PTPRD: variants seen among roughly 807,000 people sequenced by gnomAD.
The protein encoded by PTPRD is receptor-type tyrosine-protein phosphatase delta.
PTPRD carries 34 observed loss-of-function variants against 214.5 expected under a neutral mutation model. The observed-to-expected ratio is 0.16, with a 90% CI of 0.12 to 0.21. The LOEUF (loss-of-function observed/expected upper bound fraction) is 0.21. Ranked by LOEUF, PTPRD falls within the 10% of genes least tolerant of loss-of-function variation. The pLI, the probability that PTPRD is intolerant of heterozygous loss-of-function variation, is 1.00. For synonymous variants in PTPRD, 1,128 were observed against 845.7 expected, an observed-to-expected ratio of 1.33 and a Z score of -5.79; for missense variants, 2,545 against 2,398.7, an observed-to-expected ratio of 1.06 and a Z score of -1.27.
intron 5 of PTPRD, among the ~76,000 whole-genome samples, chr9:9,823,456 A>G (rs1026387043): frequency 6.6e-6 from 1 of 152,102 alleles, no homozygotes; most frequent in Admixed American, 6.6e-5. Context: ...ACTAGGCCCC[A>G]TCTCCAGCAT....
intron 7 of PTPRD, among the ~76,000 whole-genome samples, chr9:9,648,136 A>C (rs181939227): frequency 2.6e-4 from 39 of 152,266 alleles, no homozygotes; most frequent in African/African-American, 9.4e-4. Flanking sequence ...ATTTATTTTA[A>C]TGCATATTAC....
At position 9,241,845 on chromosome 9, in the gene PTPRD, C is replaced by T. The variant is rs187809927; in HGVS notation, c.-202-58482G>A. ...AATTGGAGCATTTAGCCCATTTACA[C>T]TGAAGGGTAATATTGTTATGTGTGA... On this transcript the variant is annotated intron_variant, in intron 9 of 45. Transcript: ENST00000381196. Among the ~76,000 whole-genome samples, 20 of 151,928 alleles carry T rather than the reference C, an allele frequency of 1.3e-4. No individual in the cohort carries two copies. In the East Asian group the frequency reaches 3.9e-3, roughly 30 times the overall value.
chr9:8,759,055 G>A (rs1049114002), intron 11 of PTPRD, among the ~76,000 whole-genome samples: 1 of 150,582 alleles, frequency 6.6e-6, no homozygotes, highest in African/African-American at 2.5e-5. Context: ...TAGAAAGAGA[G>A]CATCTCACTC....
chr9:8,390,149 C>T (rs2088945406), intron 36 of PTPRD, among the ~76,000 whole-genome samples: 1 of 152,142 alleles, frequency 6.6e-6, no homozygotes, highest in Admixed American at 6.6e-5. Context: ...TTGTCCTCTC[C>T]AGTTTGTTCT....
At chr9:8,321,518 TATATATATAA>T (rs1294266857) in intron 44 of PTPRD, among the ~76,000 whole-genome samples, 8 of 131,564 alleles carry the variant, frequency 6.1e-5, no homozygotes, top group South Asian at 2.4e-4. Flanking sequence ...TATATATATA[TATATATATAA>T]AAGGTATATG....
intron 14 of PTPRD, among the ~76,000 whole-genome samples, chr9:8,543,628 G>T (rs2079055915): frequency 1.3e-5 from 2 of 152,104 alleles, no homozygotes; most frequent in Admixed American, 1.3e-4. Context: ...TAGTTACATG[G>T]GCACATGTTG....
chr9:10,279,326 G>A (rs189084914), intron 3 of PTPRD, among the ~76,000 whole-genome samples: 200 of 152,102 alleles, frequency 1.3e-3, no homozygotes, highest in Non-Finnish European at 2.3e-3. Flanking sequence ...TTTTAATTAC[G>A]TTAGACATAA....
At chr9:10,364,005 T>TTTTTTG (rs1565557309) in intron 2 of PTPRD, among the ~76,000 whole-genome samples, 2 of 131,664 alleles carry the variant, frequency 1.5e-5, no homozygotes, top group Admixed American at 7.8e-5. Flanking sequence ...TTTTTTTTTT[T>TTTTTTG]TTTTTTTTTT....
chr9:8,766,226 G>A (rs1187336365), intron 11 of PTPRD, among the ~76,000 whole-genome samples: 1 of 151,370 alleles, frequency 6.6e-6, no homozygotes, highest in African/African-American at 2.4e-5. Flanking sequence ...CGAGGCCACT[G>A]TCTTTGTGGA....
chr9:10,101,627 T>C (rs1161083064), intron 3 of PTPRD, among the ~76,000 whole-genome samples: 1 of 151,702 alleles, frequency 6.6e-6, no homozygotes, highest in African/African-American at 2.4e-5. Flanking sequence ...GTCAGCTTTT[T>C]CCACAGATGC....
At chr9:9,270,814 A>G (rs546812284) in intron 9 of PTPRD, among the ~76,000 whole-genome samples, 1 of 151,478 alleles carries the variant, frequency 6.6e-6, no homozygotes, top group East Asian at 2.0e-4. Flanking sequence ...AGGTGGAGAA[A>G]AGTTAACAGG....
chr9:8,589,721 C>A (rs182159290), intron 14 of PTPRD, among the ~76,000 whole-genome samples: 3 of 152,118 alleles, frequency 2.0e-5, no homozygotes, highest in Admixed American at 6.5e-5. Flanking sequence ...TGCGTTGGCA[C>A]GTCTGCCACC....
intron 14 of PTPRD, among the ~76,000 whole-genome samples, chr9:8,597,814 T>G (rs908487991): frequency 2.0e-5 from 3 of 152,116 alleles, no homozygotes; most frequent in Admixed American, 6.6e-5. Flanking sequence ...CTCAGATTTG[T>G]TTTTTCACTC....
At chr9:9,280,436 C>T (rs899178865) in intron 9 of PTPRD, among the ~76,000 whole-genome samples, 9 of 151,044 alleles carry the variant, frequency 6.0e-5, no homozygotes, top group Non-Finnish European at 8.9e-5. Context: ...TGAAAGGTTG[C>T]AGAATATAAG....
At chr9:10,351,249 T>C (rs1413713877) in intron 2 of PTPRD, among the ~76,000 whole-genome samples, 1 of 152,166 alleles carries the variant, frequency 6.6e-6, no homozygotes, top group Non-Finnish European at 1.5e-5. Context: ...TCTAAATTAC[T>C]GTCGCCCTCC....
chr9:8,677,259 G>T (rs976031675), intron 12 of PTPRD, among the ~76,000 whole-genome samples: 3 of 152,064 alleles, frequency 2.0e-5, no homozygotes, highest in Non-Finnish European at 4.4e-5. Context: ...GCAAAGACAC[G>T]GAATCAACCT....
chr9:10,472,574 G>A (rs937175406), intron 2 of PTPRD, among the ~76,000 whole-genome samples: 2 of 152,060 alleles, frequency 1.3e-5, no homozygotes, highest in African/African-American at 4.8e-5. Context: ...ACAAGGCTGA[G>A]CAGGAGCTCT....
intron 9 of PTPRD, among the ~76,000 whole-genome samples, chr9:9,347,280 T>G (rs2049211019): frequency 6.6e-6 from 1 of 151,254 alleles, no homozygotes; most frequent in African/African-American, 2.4e-5. Flanking sequence ...AGTCTTATAC[T>G]TTCTATACTT....
chr9:10,560,418 G>A (rs1017191475), intron 2 of PTPRD, among the ~76,000 whole-genome samples: 2 of 151,952 alleles, frequency 1.3e-5, no homozygotes, highest in Admixed American at 6.6e-5. Flanking sequence ...TGGGGTGGGG[G>A]GAGTGGGGAG....
Sources: gnomAD v4.1 joint callset for allele counts (sites outside exome capture counted in the v4.1 genomes callset) on GRCh38, gnomAD v4.1.1 for gene constraint, MANE v1.5 for transcripts, NCBI Gene and HGNC (gene_info 2026-07-23, HGNC 2026-07-21) for gene names.